Variants in C1orf185 observed in about 807,000 individuals in gnomAD.
The protein encoded by C1orf185 is chromosome 1 open reading frame 185.
In C1orf185, 13 loss-of-function variants were observed where a neutral mutation model predicts 16.1. That is an observed-to-expected ratio of 0.81 (90% CI 0.53 to 1.28). The LOEUF is 1.28. Among genes scored for constraint, C1orf185 ranks in the 50% most tolerant of loss-of-function variants. The pLI is 0.00. For missense variants in C1orf185, 220 were observed against 225.2 expected (o/e 0.98, Z 0.15); for synonymous variants, 80 against 76.9 (o/e 1.04, Z -0.21).
chr1:51,135,987 A>T (rs1646320955), intron 3 of C1orf185, among the ~76,000 whole-genome samples: 1 of 152,328 alleles, frequency 6.6e-6, no homozygotes, highest in South Asian at 2.1e-4. Flanking sequence ...ATGTGCAAAA[A>T]TTACTAACGT....
At chr1:51,131,083 G>A (rs1201952279) in intron 3 of C1orf185, among the ~76,000 whole-genome samples, 4 of 152,080 alleles carry the variant, frequency 2.6e-5, no homozygotes. Context: ...TGTATTTTTA[G>A]TAGAGATGGA....
intron 1 of C1orf185, among the ~76,000 whole-genome samples, chr1:51,102,805 T>C (rs925225812): frequency 6.6e-6 from 1 of 152,136 alleles, no homozygotes; most frequent in Non-Finnish European, 1.5e-5. Flanking sequence ...TTGTAATTTG[T>C]ATGCTAAGCT....
downstream of C1orf185, among the ~76,000 whole-genome samples, chr1:51,148,923 C>A (rs1646417218): frequency 6.6e-6 from 1 of 152,064 alleles, no homozygotes; most frequent in Admixed American, 6.5e-5. Flanking sequence ...AAGTGAGACC[C>A]TGTCTCAAAA....
intron 1 of C1orf185, among the ~76,000 whole-genome samples, chr1:51,110,841 C>A (rs529024065): frequency 6.6e-6 from 1 of 152,050 alleles, no homozygotes; most frequent in African/African-American, 2.4e-5. Context: ...TGGTGGTGTG[C>A]ACCTGTAGTC....
rs900965924 is a variant in C1orf185 at position 51,102,780 on chromosome 1, C to G, written c.16+531C>G. Reference sequence around the variant, plus strand: ...CTCTACTTTCTTTGGGTTTATTTTGCTGGTCTTTTTCAACTTGTAATTTGT... The same window carrying G: ...CTCTACTTTCTTTGGGTTTATTTTGGTGGTCTTTTTCAACTTGTAATTTGT... On this transcript the variant is annotated intron_variant, in intron 1 of 4. Coordinates refer to ENST00000371759, the MANE Select transcript of C1orf185 (RefSeq NM_001136508.2). 1.5e-4 allele frequency among the ~76,000 whole-genome samples: 22 copies of G among 151,690 alleles called. No homozygotes were observed. The East Asian group carries it at 1.9e-3, about 13-fold the overall frequency.
At chr1:51,130,844 A>G (rs1278860134) in intron 3 of C1orf185, among the ~76,000 whole-genome samples, 1 of 152,150 alleles carries the variant, frequency 6.6e-6, no homozygotes, top group African/African-American at 2.4e-5. Flanking sequence ...TTTCAAGATT[A>G]TTTTGACTAT....
chr1:51,113,708 A>G (rs1049110949), intron 2 of C1orf185, among the ~76,000 whole-genome samples: 3 of 152,158 alleles, frequency 2.0e-5, no homozygotes, highest in Admixed American at 6.5e-5. Context: ...ATACATACAT[A>G]CATAAATTCA....
chr1:51,136,789 CA>C (rs1253229167), intron 3 of C1orf185, among the ~76,000 whole-genome samples: 1 of 151,870 alleles, frequency 6.6e-6, no homozygotes, highest in African/African-American at 2.4e-5. Context: ...AAATAAAACC[CA>C]AATGTATAAA....
intron 3 of C1orf185, among the ~76,000 whole-genome samples, chr1:51,126,289 G>T (rs953047718): frequency 7.9e-5 from 12 of 151,948 alleles, no homozygotes; most frequent in Non-Finnish European, 1.3e-4. Context: ...TTTGAGACAG[G>T]GTCTTGCTCC....
At chr1:51,102,284 G>A (rs1027166291) in intron 1 of C1orf185, 35 bp downstream of exon 1, 1 of 709,612 alleles carries the variant, frequency 1.4e-6, no homozygotes, top group African/African-American at 1.8e-5. Context: ...CTAGCTTTTT[G>A]CCTGGGAAGA....
At chr1:51,116,315 C>CT (rs59140209) in intron 2 of C1orf185, among the ~76,000 whole-genome samples, 19,724 of 137,282 alleles carry the variant, frequency 0.14, 2,098 homozygotes, top group African/African-American at 0.29. Context: ...TCACCCTACC[C>CT]TTTTTTTTTT....
Position 51,138,969 on chromosome 1 carries a change from T to C in C1orf185, c.259-6755T>C, listed in dbSNP as rs376590909. Among the ~76,000 whole-genome samples, 29 of 152,288 alleles carry C rather than the reference T, an allele frequency of 1.9e-4. 1 individual carries two copies. In the South Asian group the frequency reaches 5.2e-3, roughly 27 times the overall value. On this transcript the variant is annotated intron_variant, in intron 3 of 4. Coordinates refer to ENST00000371759, the MANE Select transcript of C1orf185 (RefSeq NM_001136508.2). ...TCCCAAAATGCTGGGATTACAGGCA[T>C]GATCCACTGTGCCCAGGCCATGATG...
chr1:51,140,956 C>A (rs1025508925), intron 3 of C1orf185, among the ~76,000 whole-genome samples: 2 of 151,986 alleles, frequency 1.3e-5, no homozygotes, highest in African/African-American at 4.8e-5. Flanking sequence ...TTGTTGTTTT[C>A]TATTTTATTG....
intron 3 of C1orf185, among the ~76,000 whole-genome samples, chr1:51,139,476 T>C (rs188867649): frequency 9.2e-4 from 140 of 152,282 alleles, no homozygotes; most frequent in African/African-American, 3.1e-3. Context: ...ATGAAAATGA[T>C]TGGGGAGGGT....
At chr1:51,103,410 AACACACAC>A (rs367808687) in intron 1 of C1orf185, among the ~76,000 whole-genome samples, 19 of 128,918 alleles carry the variant, frequency 1.5e-4, no homozygotes, top group South Asian at 1.3e-3. Context: ...TGTCTCGAAA[AACACACAC>A]ACACACACAC....
chr1:51,123,605 G>GTA (rs1250068366), intron 3 of C1orf185, among the ~76,000 whole-genome samples: 8 of 152,158 alleles, frequency 5.3e-5, no homozygotes, highest in Non-Finnish European at 4.4e-5. Context: ...TTCTTCCAAA[G>GTA]TATATCACTC....
At chr1:51,117,573 G>C (rs1570297396) in intron 2 of C1orf185, among the ~76,000 whole-genome samples, 1 of 151,818 alleles carries the variant, frequency 6.6e-6, no homozygotes, top group African/African-American at 2.4e-5. Flanking sequence ...CCATAGTTTT[G>C]CCTTTTCCAG....
chr1:51,110,193 T>G (rs1245113999), intron 1 of C1orf185, among the ~76,000 whole-genome samples: 1 of 152,202 alleles, frequency 6.6e-6, no homozygotes, highest in Non-Finnish European at 1.5e-5. Context: ...AGTGCAGAAA[T>G]CATAGTATTT....
intron 3 of C1orf185, among the ~76,000 whole-genome samples, chr1:51,125,136 G>A (rs1031003568): frequency 1.3e-5 from 2 of 152,216 alleles, no homozygotes; most frequent in East Asian, 3.8e-4. Context: ...CCTTGTGCCA[G>A]CATCATCTTC....
Sources: allele counts gnomAD v4.1 joint callset (sites outside exome capture counted in the v4.1 genomes callset), GRCh38; gene constraint gnomAD v4.1.1; transcripts MANE v1.5; gene names NCBI Gene and HGNC (gene_info 2026-07-23, HGNC 2026-07-21).